Variants in CAPN8 observed in about 807,000 individuals in gnomAD.
The protein encoded by CAPN8 is calpain-8.
In CAPN8, 87 loss-of-function variants were observed where a neutral mutation model predicts 80.9. That is an observed-to-expected ratio of 1.07 (90% CI 0.90 to 1.28). The LOEUF is 1.28. CAPN8 is among the 50% of genes most tolerant of loss of function. The pLI is 0.00. For synonymous variants in CAPN8, 299 were observed against 273.8 expected (o/e 1.09, Z -0.91); for missense variants, 757 against 702.0 (o/e 1.08, Z -0.89).
intron 16 of CAPN8, among the ~76,000 whole-genome samples, chr1:223,546,101 C>T (rs796929613): frequency 6.0e-5 from 9 of 150,742 alleles, no homozygotes; most frequent in East Asian, 2.0e-4. Flanking sequence ...CAAAGTGCCA[C>T]GACTATTTTT....
intron 1 of CAPN8, among the ~76,000 whole-genome samples, chr1:223,658,407 G>A (rs531152883): frequency 6.6e-6 from 1 of 152,134 alleles, no homozygotes; most frequent in Non-Finnish European, 1.5e-5. Context: ...GTGGTACTCA[G>A]TATAATTCAA....
At chr1:223,655,075 A>G (rs1238245693) in intron 1 of CAPN8, among the ~76,000 whole-genome samples, 2 of 151,936 alleles carry the variant, frequency 1.3e-5, no homozygotes, top group African/African-American at 4.8e-5. Context: ...GAGGTAGGAG[A>G]AAGGCAAAGG....
At chr1:223,614,390 A>C in intron 10 of CAPN8, among the ~76,000 whole-genome samples, 1 of 140,192 alleles carries the variant, frequency 7.1e-6, no homozygotes, top group African/African-American at 2.7e-5. Context: ...ACATAGTGAG[A>C]GTCCGTCTCA....
chr1:223,550,789 C>T (rs1656764561), intron 15 of CAPN8, among the ~76,000 whole-genome samples, 171 bp downstream of exon 15: 1 of 152,094 alleles, frequency 6.6e-6, no homozygotes, highest in Non-Finnish European at 1.5e-5. Flanking sequence ...CGTCTTCTGC[C>T]TCTCCTTCTT....
At chr1:223,550,543 C>T (rs1488774017) in intron 15 of CAPN8, among the ~76,000 whole-genome samples, 3 of 152,156 alleles carry the variant, frequency 2.0e-5, no homozygotes, top group Admixed American at 6.5e-5. Flanking sequence ...AGAATCATCC[C>T]TTCCTTCCTC....
At chr1:223,642,566 G>T (rs1273121945) in intron 2 of CAPN8, 5 of 325,690 alleles carry the variant, frequency 1.5e-5, no homozygotes, top group East Asian at 8.6e-5. Context: ...GGGCCAGGGG[G>T]GTCTTCGGCT....
At position 223,646,398 on chromosome 1, in the gene CAPN8, T is replaced by C. The variant is rs553371919; in HGVS notation, c.307+7932A>G. Reference sequence around the variant, plus strand: ...TGTACATCTCCCAGCCAGTCCCAGATGCTGATGCCAGGGCTTCCAGTAAAT... The same window carrying C: ...TGTACATCTCCCAGCCAGTCCCAGACGCTGATGCCAGGGCTTCCAGTAAAT... On this transcript the variant is annotated intron_variant, in intron 2 of 20. Coordinates refer to ENST00000366872, the MANE Select transcript of CAPN8 (RefSeq NM_001143962.2). 3.3e-5 allele frequency among the ~76,000 whole-genome samples: 5 copies of C among 152,362 alleles called. No homozygotes were observed. In the East Asian group the frequency reaches 9.6e-4, roughly 29 times the overall value.
chr1:223,549,430 G>A (rs1468828269), intron 15 of CAPN8, 48 bp from the exon 16 acceptor site: 13 of 1,550,648 alleles, frequency 8.4e-6, no homozygotes, highest in Non-Finnish European at 7.8e-6. Flanking sequence ...TCATTTGAAG[G>A]TGAGGGAAAG....
At chr1:223,660,345 G>C (rs1024709532) in intron 1 of CAPN8, among the ~76,000 whole-genome samples, 1 of 152,094 alleles carries the variant, frequency 6.6e-6, no homozygotes, top group African/African-American at 2.4e-5. Context: ...AAGCACAGAG[G>C]GGAAGCCAGA....
chr1:223,618,325 T>G lies in CAPN8; in HGVS notation c.1135+968A>C, dbSNP rs969147592. ...GTGATCTTCTGCGAGCCAGGAAAGCTTCCCACCTTGCACCAGGTGAGGACC... is the reference window on the plus strand; with the variant it reads ...GTGATCTTCTGCGAGCCAGGAAAGCGTCCCACCTTGCACCAGGTGAGGACC... On this transcript the variant is annotated intron_variant, in intron 9 of 20. Coordinates refer to ENST00000366872, the MANE Select transcript of CAPN8 (RefSeq NM_001143962.2). 4.5e-6 allele frequency: 7 copies of G among 1,549,616 alleles called. No homozygotes were observed. The African/African-American group carries it at 8.2e-5, about 18-fold the overall frequency.
intron 2 of CAPN8, among the ~76,000 whole-genome samples, chr1:223,630,900 C>G (rs545535326): frequency 6.6e-6 from 1 of 152,116 alleles, no homozygotes; most frequent in South Asian, 2.1e-4. Flanking sequence ...AACACAGTGT[C>G]CTCCTCCCAC....
At chr1:223,624,329 A>T (rs1173961141) in intron 6 of CAPN8, among the ~76,000 whole-genome samples, 1 of 152,216 alleles carries the variant, frequency 6.6e-6, no homozygotes, top group Non-Finnish European at 1.5e-5. Context: ...AGCAAAATTA[A>T]TTTCTCAATT....
At chr1:223,622,709 AC>A (rs1657437309) in intron 7 of CAPN8, 105 bp downstream of exon 7, 1 of 842,254 alleles carries the variant, frequency 1.2e-6, no homozygotes, top group African/African-American at 1.7e-5. Flanking sequence ...TGCAGACAGG[AC>A]GTGCTGCTGA....
chr1:223,555,810 T>C (rs1343852520), intron 13 of CAPN8, among the ~76,000 whole-genome samples: 1 of 152,186 alleles, frequency 6.6e-6, no homozygotes, highest in Non-Finnish European at 1.5e-5. Flanking sequence ...AACGTGTACG[T>C]GGTTGCAACT....
At chr1:223,624,833 A>G (rs1272022647) in intron 6 of CAPN8, among the ~76,000 whole-genome samples, 2 of 152,294 alleles carry the variant, frequency 1.3e-5, no homozygotes, top group East Asian at 1.9e-4. Context: ...GGTGGCTCAC[A>G]CCTGTAATCC....
At chr1:223,656,643 A>G (rs957017384) in intron 1 of CAPN8, among the ~76,000 whole-genome samples, 9 of 125,366 alleles carry the variant, frequency 7.2e-5, no homozygotes, top group Non-Finnish European at 1.5e-4. Flanking sequence ...ATGAAAGCAT[A>G]TTTATGTACA....
chr1:223,623,237 A>G (rs1037669540), intron 6 of CAPN8, among the ~76,000 whole-genome samples: 1 of 152,220 alleles, frequency 6.6e-6, no homozygotes, highest in Non-Finnish European at 1.5e-5. Context: ...AACGCCCTCC[A>G]AACAAACACC....
At chr1:223,620,636 G>A (rs1184095731) in intron 7 of CAPN8, among the ~76,000 whole-genome samples, 1 of 152,176 alleles carries the variant, frequency 6.6e-6, no homozygotes, top group Non-Finnish European at 1.5e-5. Context: ...CTCGTCACTG[G>A]AAAGGCAGGC....
intron 2 of CAPN8, among the ~76,000 whole-genome samples, 178 bp downstream of exon 2, chr1:223,654,151 GT>G (rs753694480): frequency 2.0e-5 from 3 of 152,196 alleles, no homozygotes; most frequent in Non-Finnish European, 2.9e-5. Context: ...TGGACCTACA[GT>G]GAAGTTCCAG....
Sources: allele counts gnomAD v4.1 joint callset (sites outside exome capture counted in the v4.1 genomes callset), GRCh38; gene constraint gnomAD v4.1.1; transcripts MANE v1.5; gene names NCBI Gene and HGNC (gene_info 2026-07-23, HGNC 2026-07-21).